MSH3: variants seen among roughly 807,000 people sequenced by gnomAD.
MSH3 encodes DNA mismatch repair protein Msh3.
MSH3 carries 106 observed loss-of-function variants against 123.3 expected under a neutral mutation model. That is an observed-to-expected ratio of 0.86 (90% CI 0.73 to 1.01). MSH3 has a LOEUF of 1.01. MSH3 is among the 50% of genes least tolerant of loss of function. The pLI, the probability that MSH3 is intolerant of heterozygous loss-of-function variation, is 0.00. For missense variants in MSH3, 1,459 were observed against 1,347.6 expected, an observed-to-expected ratio of 1.08 and a Z score of -1.29; for synonymous variants, 515 against 481.4, an observed-to-expected ratio of 1.07 and a Z score of -0.91.
At chr5:80,738,733 A>G (rs1055164232) in intron 10 of MSH3, among the ~76,000 whole-genome samples, 3 of 152,180 alleles carry the variant, frequency 2.0e-5, no homozygotes, top group African/African-American at 7.2e-5. Flanking sequence ...GATTAGTCTC[A>G]TGCCAACTGT....
At chr5:80,667,221 G>C (rs545432019) in intron 3 of MSH3, among the ~76,000 whole-genome samples, 1 of 152,066 alleles carries the variant, frequency 6.6e-6, no homozygotes, top group Admixed American at 6.5e-5. Context: ...GTAAGAATAA[G>C]TTTTTACAAT....
At chr5:80,773,875 C>G (rs1426041232) in intron 15 of MSH3, among the ~76,000 whole-genome samples, 1 of 152,170 alleles carries the variant, frequency 6.6e-6, no homozygotes, top group Non-Finnish European at 1.5e-5. Flanking sequence ...TCAAGTGATT[C>G]TCCTGCCTCA....
rs200268712 is a variant in MSH3 at position 80,769,171 on chromosome 5, T to C, written c.2253+168T>C. On this transcript the variant is annotated intron_variant, in intron 15 of 23. Coordinates refer to ENST00000265081, the MANE Select transcript of MSH3 (RefSeq NM_002439.5). ...CTTGTTTTGATAAGAGTTATTTTAA[T>C]GATAGTGTTTTATTAGTCTCTTGTT... Among the ~76,000 whole-genome samples, 6 of 152,262 alleles carry C rather than the reference T, an allele frequency of 3.9e-5. No individual in the cohort carries two copies. The East Asian group carries it at 7.7e-4, about 20-fold the overall frequency.
chr5:80,828,394 A>C (rs1745358097), intron 20 of MSH3, among the ~76,000 whole-genome samples: 1 of 152,186 alleles, frequency 6.6e-6, no homozygotes, highest in East Asian at 1.9e-4. Context: ...GTCACCTCTT[A>C]AAGGCCCCAC....
At chr5:80,700,858 C>G (rs1750593365) in intron 8 of MSH3, among the ~76,000 whole-genome samples, 3 of 152,152 alleles carry the variant, frequency 2.0e-5, no homozygotes, top group Non-Finnish European at 4.4e-5. Context: ...GAGAAAAGAT[C>G]TTCCTGATTA....
intron 18 of MSH3, among the ~76,000 whole-genome samples, chr5:80,788,364 G>A (rs1246324565): frequency 6.6e-6 from 1 of 152,208 alleles, no homozygotes; most frequent in Non-Finnish European, 1.5e-5. Flanking sequence ...TTGAACCCAG[G>A]AGGTGGAGGT....
rs748946992 is a variant in MSH3, at chr5:80,868,778, A to T, written c.3130+3836A>T. ...ACCCCTGAACTTAAAAGTTTAAAAA[A>T]AAAAACAACAACTCTATAGCTTCCA... On this transcript the variant is annotated intron_variant, in intron 22 of 23. Transcript: ENST00000265081. Among the ~76,000 whole-genome samples, 67 of 151,794 alleles carry T rather than the reference A, an allele frequency of 4.4e-4. 1 individual carries two copies. Among genetic ancestry groups the T allele is most frequent in the Admixed American group, 1.2e-3 (18 of 15,202 alleles).
intron 4 of MSH3, 129 bp from the exon 5 acceptor site, chr5:80,672,115 A>G (rs1220622141): frequency 5.5e-6 from 4 of 725,732 alleles, no homozygotes; most frequent in African/African-American, 5.3e-5. Flanking sequence ...TTATTGACAT[A>G]GTACACATTT....
intron 20 of MSH3, among the ~76,000 whole-genome samples, chr5:80,822,849 G>GA (rs1406027739): frequency 6.6e-6 from 1 of 152,182 alleles, no homozygotes; most frequent in Non-Finnish European, 1.5e-5. Context: ...TCCATGCTGA[G>GA]ACATGCCTTT....
intron 8 of MSH3, among the ~76,000 whole-genome samples, chr5:80,722,325 TGA>T (rs1000261430): frequency 1.3e-5 from 2 of 152,208 alleles, no homozygotes; most frequent in African/African-American, 4.8e-5. Flanking sequence ...AAAAAAATAT[TGA>T]GAAACTTTCT....
At chr5:80,840,648 A>C (rs1161032116) in intron 20 of MSH3, among the ~76,000 whole-genome samples, 6 of 152,144 alleles carry the variant, frequency 3.9e-5, no homozygotes, top group Admixed American at 3.9e-4. Context: ...CACAACGTAC[A>C]GGTTTGTTAC....
chr5:80,665,184 C>A lies in MSH3; in HGVS notation c.400C>A (p.Leu134Met). The change falls in exon 3 of 24, where the codon CTG becomes ATG. Residue 134 changes from leucine to methionine, a missense_variant. Transcript: ENST00000265081. ...CLRTRNVSKS[L>M]EKLKEFCCDS... ...GAGGACCAGGAATGTTTCAAAGTCT[C>A]TGGAAAAATTGAAAGAATTCTGCTG... is the stretch of plus-strand genomic sequence containing the variant. The A allele has an allele frequency of 1.2e-6, 2 of 1,614,046 alleles. No homozygotes were observed. The highest frequency in any genetic ancestry group is 1.7e-6 in the Non-Finnish European group (2 of 1,179,964).
chr5:80,736,070 C>CA (rs1175059499), intron 10 of MSH3, among the ~76,000 whole-genome samples: 1 of 151,832 alleles, frequency 6.6e-6, no homozygotes, highest in African/African-American at 2.4e-5. Flanking sequence ...TCCAAAAATA[C>CA]AAAAAATTAG....
Position 80,876,811 on chromosome 5 carries a change from C to A in MSH3, c.*949C>A. ...GTAATAAATATTTAATGAATACTTG[C>A]TATAGATGATGGTATGTCCCATTGA... On this transcript the variant is annotated 3_prime_UTR_variant, in exon 24 of 24. Coordinates refer to ENST00000265081, the MANE Select transcript of MSH3 (RefSeq NM_002439.5). 6.6e-6 allele frequency among the ~76,000 whole-genome samples: 1 copy of A among 152,104 alleles called. No homozygotes were observed. The highest frequency in any genetic ancestry group is 1.5e-5 in the Non-Finnish European group (1 of 68,028).
chr5:80,658,469 T>C (rs144887071), intron 2 of MSH3, among the ~76,000 whole-genome samples: 128 of 152,336 alleles, frequency 8.4e-4, no homozygotes, highest in African/African-American at 2.8e-3. Flanking sequence ...AGATGGAATG[T>C]TGTTGAAATA....
At chr5:80,874,150 T>C (rs1329505066) in intron 23 of MSH3, among the ~76,000 whole-genome samples, 1 of 152,168 alleles carries the variant, frequency 6.6e-6, no homozygotes, top group East Asian at 1.9e-4. Flanking sequence ...TTCTTTAATA[T>C]TTGGTTATAA....
chr5:80,856,659 A>G (rs1745926130), intron 21 of MSH3, among the ~76,000 whole-genome samples: 1 of 152,118 alleles, frequency 6.6e-6, no homozygotes, highest in Non-Finnish European at 1.5e-5. Flanking sequence ...AATGTAACTG[A>G]CCTGCACATT....
intron 10 of MSH3, among the ~76,000 whole-genome samples, chr5:80,739,891 G>C (rs1245445508): frequency 6.6e-6 from 1 of 152,186 alleles, no homozygotes; most frequent in Non-Finnish European, 1.5e-5. Context: ...GTTCTCTAAA[G>C]TTCTGGGTGA....
chr5:80,796,699 A>AAC lies in MSH3; in HGVS notation c.2655+3855_2655+3856insAC, dbSNP rs1215974157. ...TCTGTATTCTGTATTACATGAACTT[A>AAC]TTATAGTGCTTCTGAATAAGCCAAC... On this transcript the variant is annotated intron_variant, in intron 19 of 23. Coordinates refer to ENST00000265081, the MANE Select transcript of MSH3 (RefSeq NM_002439.5). 3.0e-3 allele frequency among the ~76,000 whole-genome samples: 453 copies of AAC among 152,314 alleles called. 5 individuals are homozygous for AAC. Among genetic ancestry groups the AAC allele is most frequent in the African/African-American group, 0.01 (431 of 41,570 alleles).
Sources: gnomAD v4.1 joint callset for allele counts (sites outside exome capture counted in the v4.1 genomes callset) on GRCh38, gnomAD v4.1.1 for gene constraint, MANE v1.5 for transcripts, NCBI Gene and HGNC (gene_info 2026-07-23, HGNC 2026-07-21) for gene names.